Variants in PAFAH2 observed in about 807,000 individuals in gnomAD.
The protein encoded by PAFAH2 is platelet-activating factor acetylhydrolase 2, cytoplasmic.
In PAFAH2, 42 loss-of-function variants were observed where a neutral mutation model predicts 49.0. That is an observed-to-expected ratio of 0.86 (90% confidence interval 0.67 to 1.11). The LOEUF (loss-of-function observed/expected upper bound fraction) is 1.11, where lower values mean the gene tolerates loss of function less well. Among genes scored for constraint, PAFAH2 ranks in the 50% least tolerant of loss-of-function variants. The pLI, the probability that PAFAH2 is intolerant of heterozygous loss-of-function variation, is 0.00. For missense variants in PAFAH2, 503 were observed against 501.8 expected, an observed-to-expected ratio of 1.00 and a Z score of -0.02; for synonymous variants, 184 against 181.3, an observed-to-expected ratio of 1.01 and a Z score of -0.12.
intron 10 of PAFAH2, among the ~76,000 whole-genome samples, chr1:25,962,980 C>T (rs144041686): frequency 8.5e-5 from 13 of 152,130 alleles, no homozygotes; most frequent in Non-Finnish European, 1.0e-4. Context: ...CATGGAGCAG[C>T]GAAACTCCAG....
chr1:25,977,151 T>C (rs2049605016), intron 7 of PAFAH2, among the ~76,000 whole-genome samples: 1 of 148,798 alleles, frequency 6.7e-6, no homozygotes, highest in African/African-American at 2.5e-5. Flanking sequence ...GCCTCCCGAG[T>C]AGCTGGGACT....
chr1:25,969,719 G>A (rs1163444104), intron 10 of PAFAH2, among the ~76,000 whole-genome samples: 1 of 152,188 alleles, frequency 6.6e-6, no homozygotes, highest in Admixed American at 6.5e-5. Flanking sequence ...ATGTCTGCTA[G>A]CAGGTTTCTA....
intron 4 of PAFAH2, among the ~76,000 whole-genome samples, chr1:25,986,405 AAAG>A (rs1306531130): frequency 6.6e-6 from 1 of 152,168 alleles, no homozygotes. Flanking sequence ...TCAGTAAGTG[AAAG>A]AAGGCCATTT....
intron 9 of PAFAH2, among the ~76,000 whole-genome samples, 156 bp downstream of exon 9, chr1:25,974,324 A>G (rs1275839207): frequency 6.6e-6 from 1 of 152,254 alleles, no homozygotes; most frequent in Non-Finnish European, 1.5e-5. Flanking sequence ...AGAAGGACAG[A>G]CAGAAAATTC....
intron 1 of PAFAH2, among the ~76,000 whole-genome samples, chr1:25,991,709 A>G (rs920580771): frequency 6.8e-6 from 1 of 147,862 alleles, no homozygotes; most frequent in Non-Finnish European, 1.5e-5. Context: ...CCTGGCCAAC[A>G]TGGCGAAACC....
intron 1 of PAFAH2, among the ~76,000 whole-genome samples, chr1:25,993,629 C>T (rs2049903272): frequency 6.6e-6 from 1 of 152,016 alleles, no homozygotes; most frequent in Admixed American, 6.6e-5. Flanking sequence ...AAAAACAAAC[C>T]CAATTCTTTT....
At chr1:25,970,344 G>A (rs2124325314) in intron 10 of PAFAH2, among the ~76,000 whole-genome samples, 1 of 152,296 alleles carries the variant, frequency 6.6e-6, no homozygotes, top group East Asian at 1.9e-4. Context: ...GCACATGCCT[G>A]TAGTCCCAGC....
intron 9 of PAFAH2, among the ~76,000 whole-genome samples, chr1:25,974,142 C>T (rs1360009473): frequency 6.6e-6 from 1 of 152,072 alleles, no homozygotes; most frequent in African/African-American, 2.4e-5. Flanking sequence ...TTCCAAAGAC[C>T]CAATAAAATT....
rs776946649 is a variant in PAFAH2, at chr1:25,984,529, C to T, written c.342-1G>A. On this transcript the variant is annotated splice_acceptor_variant, in intron 4 of 10. Coordinates refer to ENST00000374282, the MANE Select transcript of PAFAH2 (RefSeq NM_000437.4). LOFTEE classifies it high-confidence loss of function. ...CATGCAGAAGGCTGAATACAAAGTC[C>T]TGGAGATTCAAAAAGGAACAAGGAA... is the stretch of plus-strand genomic sequence containing the variant. The T allele has an allele frequency of 6.2e-7, 1 of 1,613,344 alleles. No homozygotes were observed. Among genetic ancestry groups the T allele is most frequent in the Admixed American group, 1.7e-5 (1 of 59,968 alleles).
chr1:25,960,605 A>G lies in PAFAH2; in HGVS notation c.*1384T>C, dbSNP rs1229471190. ...ATATCATTCATATTATAAACAGAAC[A>G]GAATGGAAATTCAGTCTGTATCTGA... On this transcript the variant is annotated 3_prime_UTR_variant, in exon 11 of 11. Coordinates refer to ENST00000374282, the MANE Select transcript of PAFAH2 (RefSeq NM_000437.4). 1 of 152,624 alleles carries G rather than the reference A, an allele frequency of 6.6e-6. No homozygotes were observed. Among genetic ancestry groups the G allele is most frequent in the Non-Finnish European group, 1.5e-5 (1 of 68,038 alleles). 9.5% of individuals were successfully genotyped at this position (152,624 alleles called of 1,614,324 possible).
intron 10 of PAFAH2, among the ~76,000 whole-genome samples, chr1:25,971,125 G>A (rs1459088564): frequency 6.6e-6 from 1 of 152,154 alleles, no homozygotes; most frequent in Non-Finnish European, 1.5e-5. Context: ...GCAAGTAGAG[G>A]AGGGTTACAA....
At chr1:25,963,562 T>C (rs1309128885) in intron 10 of PAFAH2, among the ~76,000 whole-genome samples, 3 of 152,144 alleles carry the variant, frequency 2.0e-5, no homozygotes, top group Non-Finnish European at 2.9e-5. Flanking sequence ...TGGAGTGCAG[T>C]GGTCAATCTC....
In PAFAH2 at chr1:25,974,420, G is replaced by A. The variant is rs183858139; in HGVS notation, c.929+60C>T. On this transcript the variant is annotated intron_variant, in intron 9 of 10. Transcript: ENST00000374282. ...GTTTTGGGTAATCCAGAAGTTAAGG[G>A]CACCACAGCAAGTGGCAAATGGAGA... is the stretch of plus-strand genomic sequence containing the variant. The A allele has an allele frequency of 7.1e-6, 10 of 1,414,652 alleles. No individual in the cohort carries two copies. The African/African-American group carries it at 1.4e-4, about 20-fold the overall frequency. The allele number at this position is 1,414,652 out of a possible 1,614,324, so 87.6% of individuals were successfully genotyped here. A position where few individuals can be genotyped will look rare whatever the true frequency, so the allele number is the denominator to read the frequency against.
intron 10 of PAFAH2, among the ~76,000 whole-genome samples, chr1:25,965,185 T>C (rs910127444): frequency 2.0e-5 from 3 of 152,072 alleles, no homozygotes; most frequent in Admixed American, 6.6e-5. Context: ...ATTCAACAAA[T>C]GGTGCTGGAA....
At chr1:25,989,400 C>A in intron 3 of PAFAH2, 48 bp downstream of exon 3, 1 of 1,504,802 alleles carries the variant, frequency 6.6e-7, no homozygotes, top group Non-Finnish European at 8.9e-7. Context: ...CTCCCAGGAA[C>A]ATAACCAAGC....
chr1:25,979,814 T>C (rs1340573460), intron 7 of PAFAH2, among the ~76,000 whole-genome samples: 2 of 151,910 alleles, frequency 1.3e-5, no homozygotes, highest in Non-Finnish European at 2.9e-5. Flanking sequence ...TTAGTAGAAA[T>C]GGGGTTTCGC....
chr1:25,997,354 T>A (rs1250943298), intron 1 of PAFAH2: 5 of 152,206 alleles, frequency 3.3e-5, no homozygotes, highest in African/African-American at 1.2e-4. Context: ...CATTAATAAT[T>A]GTGATAAAAA....
At chr1:25,978,020 T>C (rs748718382) in intron 7 of PAFAH2, among the ~76,000 whole-genome samples, 3 of 152,166 alleles carry the variant, frequency 2.0e-5, no homozygotes, top group Non-Finnish European at 4.4e-5. Flanking sequence ...TATGGTTATA[T>C]AAAAAGCCAC....
intron 9 of PAFAH2, 36 bp from the exon 10 acceptor site, chr1:25,972,748 C>T (rs760643072): frequency 3.0e-5 from 48 of 1,612,402 alleles, no homozygotes; most frequent in Non-Finnish European, 3.4e-5. Flanking sequence ...AGGGGTCTGG[C>T]GGCTAGGGCA....
Sources: allele counts gnomAD v4.1 joint callset (sites outside exome capture counted in the v4.1 genomes callset), GRCh38; gene constraint gnomAD v4.1.1; transcripts MANE v1.5; gene names NCBI Gene and HGNC (gene_info 2026-07-23, HGNC 2026-07-21).